The following GRM7 variants were observed in gnomAD, a reference collection of about 807,000 sequenced individuals.
GRM7 encodes glutamate metabotropic receptor 7, also known as metabotropic glutamate receptor 7.
GRM7 carries 35 observed loss-of-function variants against 84.5 expected under a neutral mutation model. The ratio of observed to expected loss-of-function variants is 0.41; its 90% CI spans 0.32 to 0.55. The LOEUF (loss-of-function observed/expected upper bound fraction) is 0.55, where lower values mean the gene tolerates loss of function less well. Among genes scored for constraint, GRM7 ranks in the 20% least tolerant of loss-of-function variants. GRM7 has a pLI of 0.19. For missense variants in GRM7, 1,003 were observed against 1,194.6 expected, an observed-to-expected ratio of 0.84 and a Z score of 2.36; for synonymous variants, 487 against 455.1, an observed-to-expected ratio of 1.07 and a Z score of -0.89.
intron 1 of GRM7, among the ~76,000 whole-genome samples, chr3:7,125,150 G>C (rs1693356020): frequency 6.6e-6 from 1 of 152,098 alleles, no homozygotes; most frequent in South Asian, 2.1e-4. Flanking sequence ...TTGTTGGCCA[G>C]GCTGGTCTCA....
intron 1 of GRM7, among the ~76,000 whole-genome samples, chr3:7,135,736 A>G (rs940358007): frequency 2.0e-5 from 3 of 152,162 alleles, no homozygotes; most frequent in Non-Finnish European, 4.4e-5. Flanking sequence ...AAAATATAAT[A>G]TACAGAGGAA....
chr3:7,511,716 T>A (rs1700217217), intron 7 of GRM7, among the ~76,000 whole-genome samples: 1 of 152,206 alleles, frequency 6.6e-6, no homozygotes, highest in African/African-American at 2.4e-5. Flanking sequence ...CCTGGAGATT[T>A]CTCAATGAGA....
intron 1 of GRM7, among the ~76,000 whole-genome samples, chr3:7,085,329 A>G (rs1698416458): frequency 1.3e-5 from 2 of 152,192 alleles, no homozygotes; most frequent in South Asian, 2.1e-4. Context: ...AATATAATAC[A>G]TCTTTCTATT....
intron 2 of GRM7, among the ~76,000 whole-genome samples, chr3:7,277,193 T>C (rs1699104240): frequency 6.6e-6 from 1 of 152,062 alleles, no homozygotes; most frequent in Admixed American, 6.6e-5. Context: ...CACAAAGACT[T>C]TATCCTTTCA....
rs907667013 is a variant in GRM7, at chr3:7,612,253, C to G, written c.2451+32896C>G. Among the ~76,000 whole-genome samples, 5 of 152,330 alleles carry G rather than the reference C, an allele frequency of 3.3e-5. No individual in the cohort carries two copies. In the South Asian group the frequency reaches 6.2e-4, roughly 19 times the overall value. ...GCCCTTAGTCACTTTTCTTTAACCTCCCTGTCTCATCTATAAGATAGGTGT... is the reference window on the plus strand; with the variant it reads ...GCCCTTAGTCACTTTTCTTTAACCTGCCTGTCTCATCTATAAGATAGGTGT... On this transcript the variant is annotated intron_variant, in intron 8 of 9. Transcript: ENST00000357716.
intron 2 of GRM7, among the ~76,000 whole-genome samples, chr3:7,173,414 T>A (rs567616442): frequency 2.6e-5 from 4 of 152,108 alleles, no homozygotes; most frequent in Admixed American, 6.6e-5. Context: ...CCTCTTTTGG[T>A]GGCCCTAACA....
intron 1 of GRM7, among the ~76,000 whole-genome samples, chr3:7,134,513 C>T (rs77265426): frequency 0.023 from 3,447 of 152,152 alleles, 83 homozygotes; most frequent in African/African-American, 0.066. Context: ...AAAAAAAGTT[C>T]CTTTCATCTA....
chr3:7,419,668 T>C (rs1351136696), intron 5 of GRM7, among the ~76,000 whole-genome samples: 1 of 152,184 alleles, frequency 6.6e-6, no homozygotes, highest in East Asian at 1.9e-4. Flanking sequence ...CCAGAACATT[T>C]GTCTAACTAA....
intron 9 of GRM7, among the ~76,000 whole-genome samples, chr3:7,689,932 C>G (rs911530646): frequency 6.6e-6 from 1 of 152,152 alleles, no homozygotes; most frequent in Non-Finnish European, 1.5e-5. Flanking sequence ...AAGTAATAGA[C>G]TCAAAGGTGA....
intron 1 of GRM7, among the ~76,000 whole-genome samples, chr3:6,881,711 G>T (rs1288707935): frequency 1.3e-5 from 2 of 152,088 alleles, no homozygotes; most frequent in African/African-American, 4.8e-5. Context: ...GATCATTAGA[G>T]AAATGCAAAT....
chr3:7,319,183 C>A (rs571631926), intron 4 of GRM7, among the ~76,000 whole-genome samples: 2 of 151,850 alleles, frequency 1.3e-5, no homozygotes, highest in Non-Finnish European at 2.9e-5. Flanking sequence ...GAGGATGGAT[C>A]GTGATAATAG....
chr3:7,511,013 T>A (rs1398192255), intron 7 of GRM7, among the ~76,000 whole-genome samples: 1 of 152,060 alleles, frequency 6.6e-6, no homozygotes, highest in Non-Finnish European at 1.5e-5. Flanking sequence ...GACCTTAGGG[T>A]GGTCAGAATT....
At chr3:7,110,607 A>G (rs1194145574) in intron 1 of GRM7, among the ~76,000 whole-genome samples, 1 of 145,358 alleles carries the variant, frequency 6.9e-6, no homozygotes. Context: ...ACACACACAC[A>G]CACACGCACA....
At chr3:7,431,751 A>G (rs905087607) in intron 5 of GRM7, among the ~76,000 whole-genome samples, 16 of 152,314 alleles carry the variant, frequency 1.1e-4, no homozygotes, top group Admixed American at 6.5e-4. Flanking sequence ...AAAACATTGC[A>G]TGAATGTGAA....
intron 9 of GRM7, among the ~76,000 whole-genome samples, chr3:7,726,770 C>G (rs527597237): frequency 6.7e-6 from 1 of 149,236 alleles, no homozygotes; most frequent in Admixed American, 6.7e-5. Context: ...TTCTACAAAA[C>G]CTCAATATCA....
chr3:7,032,090 A>C (rs918136232), intron 1 of GRM7, among the ~76,000 whole-genome samples: 2 of 152,236 alleles, frequency 1.3e-5, no homozygotes, highest in African/African-American at 4.8e-5. Context: ...CGTCAAAGAC[A>C]TCTCACATAG....
At chr3:7,521,019 G>A (rs1296474739) in intron 7 of GRM7, among the ~76,000 whole-genome samples, 3 of 152,170 alleles carry the variant, frequency 2.0e-5, no homozygotes, top group Admixed American at 6.5e-5. Context: ...CTGTAGGTGG[G>A]TTAGGATCCA....
At chr3:7,451,865 T>C (rs1476905351) in intron 5 of GRM7, 3 of 152,262 alleles carry the variant, frequency 2.0e-5, no homozygotes, top group Non-Finnish European at 4.4e-5. Flanking sequence ...ATTTAATCTG[T>C]AGTCAGCAGA....
intron 1 of GRM7, among the ~76,000 whole-genome samples, chr3:7,103,852 C>CTTTCTTTCTT (rs375519313): frequency 7.3e-6 from 1 of 136,680 alleles, no homozygotes; most frequent in Non-Finnish European, 1.5e-5. Flanking sequence ...CTCTCTCTCT[C>CTTTCTTTCTT]TCTCTTTCTT....
Sources: gnomAD v4.1 joint callset for allele counts (sites outside exome capture counted in the v4.1 genomes callset) on GRCh38, gnomAD v4.1.1 for gene constraint, MANE v1.5 for transcripts, NCBI Gene and HGNC (gene_info 2026-07-23, HGNC 2026-07-21) for gene names.